ATAD3B: variants seen among roughly 807,000 people sequenced by gnomAD.
The protein encoded by ATAD3B is ATPase family AAA domain containing 3B.
In ATAD3B, 59 loss-of-function variants were observed where a neutral mutation model predicts 70.2. The observed-to-expected ratio is 0.84, with a 90% CI of 0.68 to 1.04. ATAD3B has a LOEUF of 1.04. Among genes scored for constraint, ATAD3B ranks in the 50% least tolerant of loss-of-function variants. The pLI, the probability that ATAD3B is intolerant of heterozygous loss-of-function variation, is 0.00. For missense variants in ATAD3B, 961 were observed against 913.4 expected, an observed-to-expected ratio of 1.05 and a Z score of -0.67; for synonymous variants, 423 against 388.6, an observed-to-expected ratio of 1.09 and a Z score of -1.04.
At chr1:1,506,295 A>G in the ATAD3B span, among the ~76,000 whole-genome samples, 7 of 152,052 alleles carry the variant, frequency 4.6e-5, no homozygotes, top group Non-Finnish European at 8.8e-5. Flanking sequence ...GAGGTTCCAT[A>G]TCAACGTATT....
the ATAD3B span, among the ~76,000 whole-genome samples, chr1:1,505,474 C>T: frequency 6.6e-6 from 1 of 152,174 alleles, no homozygotes; most frequent in Admixed American, 6.6e-5. Context: ...TGACCCTCCA[C>T]AAGAGGTGGA....
Position 1,478,357 on chromosome 1 carries a change from C to T in ATAD3B, c.283-287C>T, listed in dbSNP as rs2100534505. ...GCCCTCATCACAGTCCAAAAGTGAG[C>T]ACCTGCCTGGAGCTGCCCAGAAACA... is the stretch of plus-strand genomic sequence containing the variant. On this transcript the variant is annotated intron_variant, in intron 2 of 15. Transcript: ENST00000673477. 5.8e-6 allele frequency: 8 copies of T among 1,390,562 alleles called. No homozygotes were observed. The South Asian group carries it at 1.0e-4, about 18-fold the overall frequency. 86.1% of individuals were successfully genotyped at this position (1,390,562 alleles called of 1,614,324 possible). A position where few individuals can be genotyped will look rare whatever the true frequency, so the allele number is the denominator to read the frequency against.
chr1:1,480,017 C>T lies in ATAD3B; in HGVS notation c.445-850C>T, dbSNP rs1167344893. ...ACGCACACCCCCTCACACATAGGCA[C>T]ACATACACAACCCAGGCACACACCC... On this transcript the variant is annotated intron_variant, in intron 4 of 15. Coordinates refer to ENST00000673477, the MANE Select transcript of ATAD3B (RefSeq NM_031921.6). 5.5e-5 allele frequency among the ~76,000 whole-genome samples: 8 copies of T among 144,722 alleles called. 1 individual carries two copies. In the East Asian group the frequency reaches 1.7e-3, roughly 31 times the overall value. 94.9% of individuals were successfully genotyped at this position (144,722 alleles called of 152,430 possible). A position where few individuals can be genotyped will look rare whatever the true frequency, so the allele number is the denominator to read the frequency against.
the ATAD3B span, among the ~76,000 whole-genome samples, chr1:1,508,829 G>A: frequency 6.3e-4 from 96 of 151,690 alleles, no homozygotes; most frequent in Non-Finnish European, 1.2e-3. Flanking sequence ...CAGGGTCTGA[G>A]GGTCTGAGGT....
intron 4 of ATAD3B, among the ~76,000 whole-genome samples, chr1:1,480,655 C>T (rs1639862474): frequency 6.8e-6 from 1 of 147,092 alleles, no homozygotes. Context: ...GTTTCTGCCA[C>T]TGGGGAGTTT....
At chr1:1,507,310 T>C in the ATAD3B span, among the ~76,000 whole-genome samples, 1 of 152,176 alleles carries the variant, frequency 6.6e-6, no homozygotes, top group Non-Finnish European at 1.5e-5. Flanking sequence ...TGTGGGCTTG[T>C]GATATATGGC....
At position 1,472,031 on chromosome 1, in the gene ATAD3B, C is replaced by G. The variant is rs1455666256; in HGVS notation, c.147C>G (p.Asn49Lys). ...DRPAPKDKWS[N>K]FDPTGLERAA... ...CGGCGCCCAAGGACAAATGGAGCAA[C>G]TTCGACCCCACCGGCCTGGAGCGCG... The change falls in exon 1 of 16, where the codon AAC becomes AAG. Residue 49 changes from asparagine to lysine, a missense_variant. Transcript: ENST00000673477. 1 of 1,235,894 alleles carries G rather than the reference C, an allele frequency of 8.1e-7. No individual in the cohort carries two copies. Among genetic ancestry groups the G allele is most frequent in the African/African-American group, 1.6e-5 (1 of 62,242 alleles). 76.6% of individuals were successfully genotyped at this position (1,235,894 alleles called of 1,614,324 possible).
chr1:1,503,223 C>CA, the ATAD3B span: 9,469 of 108,694 alleles, frequency 0.087, 297 homozygotes, highest in African/African-American at 0.16. Context: ...GATTCCGTCT[C>CA]AAAAAAAAAA....
the ATAD3B span, among the ~76,000 whole-genome samples, chr1:1,505,153 A>G: frequency 0.026 from 3,982 of 152,202 alleles, 179 homozygotes; most frequent in African/African-American, 0.089. Context: ...TACAAGACAA[A>G]GGGGCAGGAT....
intron 11 of ATAD3B, among the ~76,000 whole-genome samples, chr1:1,487,133 C>T (rs1238551046): frequency 3.3e-5 from 5 of 152,232 alleles, no homozygotes; most frequent in East Asian, 1.9e-4. Flanking sequence ...CGGCTGTCCT[C>T]GTTGGAACCA....
At chr1:1,507,801 G>T in the ATAD3B span, among the ~76,000 whole-genome samples, 1,113 of 152,338 alleles carry the variant, frequency 7.3e-3, 13 homozygotes, top group African/African-American at 0.025. Context: ...ATCAGGTCCA[G>T]GTCTTCTCTT....
rs570836773 is a variant in ATAD3B, at chr1:1,476,125, A to G, written c.206-1149A>G. 4.2e-5 allele frequency among the ~76,000 whole-genome samples: 6 copies of G among 142,888 alleles called. 1 individual carries two copies. Among genetic ancestry groups the G allele is most frequent in the African/African-American group, 8.6e-5 (3 of 34,982 alleles). 93.7% of individuals were successfully genotyped at this position (142,888 alleles called of 152,430 possible). ...CCTGGCACTGTCTTCCCTGAGAGGC[A>G]GGTCCCGGTCTCATCTGTGCTCTGT... On this transcript the variant is annotated intron_variant, in intron 1 of 15. Coordinates refer to ENST00000673477, the MANE Select transcript of ATAD3B (RefSeq NM_031921.6).
rs577779811 is a variant in ATAD3B at position 1,481,025 on chromosome 1, G to A, written c.514+89G>A. ...ACTCTGAGCCTGAGTTCTGCCGCCCGGCCCCTCATAGCTACCAGTGCAGTG... is the reference window on the plus strand; with the variant it reads ...ACTCTGAGCCTGAGTTCTGCCGCCCAGCCCCTCATAGCTACCAGTGCAGTG... On this transcript the variant is annotated intron_variant, in intron 5 of 15. Coordinates refer to ENST00000673477, the MANE Select transcript of ATAD3B (RefSeq NM_031921.6). 126 of 1,555,300 alleles carry A rather than the reference G, an allele frequency of 8.1e-5. 12 individuals carry two copies. The highest frequency in any genetic ancestry group is 3.8e-4 in the South Asian group (33 of 85,808).
At chr1:1,481,575 C>G (rs1639905941) in intron 5 of ATAD3B, among the ~76,000 whole-genome samples, 1 of 97,782 alleles carries the variant, frequency 1.0e-5, no homozygotes, top group South Asian at 4.1e-4. Context: ...TCTGTCACCA[C>G]TCTTCACCGT....
At chr1:1,483,211 C>G in intron 7 of ATAD3B, 2 of 359,490 alleles carry the variant, frequency 5.6e-6, no homozygotes, top group Non-Finnish European at 1.1e-5. Context: ...AGGAGAATCA[C>G]TTGAACCCGG....
intron 1 of ATAD3B, 23 bp from the exon 2 acceptor site, chr1:1,477,251 C>T: frequency 1.2e-6 from 2 of 1,611,662 alleles, no homozygotes; most frequent in South Asian, 1.1e-5. Flanking sequence ...TACACCTGCT[C>T]TCCGTGCCAC....
At chr1:1,476,055 C>T (rs1254645167) in intron 1 of ATAD3B, among the ~76,000 whole-genome samples, 22 of 142,370 alleles carry the variant, frequency 1.5e-4, no homozygotes, top group Admixed American at 8.9e-4. Context: ...AGCCCGGGGT[C>T]GCTTCAGCCC....
chr1:1,506,233 G>A, the ATAD3B span, among the ~76,000 whole-genome samples: 1 of 151,302 alleles, frequency 6.6e-6, no homozygotes, highest in Non-Finnish European at 1.5e-5. Context: ...AGACTCCCTC[G>A]CAAAAAAATA....
the ATAD3B span, among the ~76,000 whole-genome samples, chr1:1,508,007 C>G: frequency 8.4e-3 from 1,272 of 152,332 alleles, 10 homozygotes; most frequent in Non-Finnish European, 0.014. Context: ...GGGCTCCTGC[C>G]AGGTCCCGTG....
Sources: gnomAD v4.1 joint callset for allele counts (sites outside exome capture counted in the v4.1 genomes callset) on GRCh38, gnomAD v4.1.1 for gene constraint, MANE v1.5 for transcripts, NCBI Gene and HGNC (gene_info 2026-07-23, HGNC 2026-07-21) for gene names.